Variants in NKAIN2 observed in about 807,000 individuals in gnomAD.
NKAIN2 encodes the protein sodium/potassium transporting ATPase interacting 2.
In NKAIN2, 14 loss-of-function variants were observed where a neutral mutation model predicts 32.6. That is an observed-to-expected ratio of 0.43 (90% CI 0.28 to 0.67). The LOEUF (loss-of-function observed/expected upper bound fraction) is 0.67. Among genes scored for constraint, NKAIN2 ranks in the 30% least tolerant of loss-of-function variants. NKAIN2 has a pLI of 0.17. For missense variants in NKAIN2, 198 were observed against 258.3 expected (o/e 0.77, Z 1.60); for synonymous variants, 80 against 87.2 (o/e 0.92, Z 0.46).
chr6:124,591,253 A>T (rs1047002945), intron 3 of NKAIN2, among the ~76,000 whole-genome samples: 4 of 152,160 alleles, frequency 2.6e-5, no homozygotes, highest in Non-Finnish European at 5.9e-5. Flanking sequence ...GCCACTCAAG[A>T]CTCTTCTGGC....
intron 2 of NKAIN2, among the ~76,000 whole-genome samples, chr6:124,301,727 G>T (rs377233037): frequency 6.6e-6 from 1 of 152,196 alleles, no homozygotes; most frequent in Non-Finnish European, 1.5e-5. Context: ...TTTCAGACTT[G>T]CATGGGGCCT....
rs367874874 is a variant in NKAIN2 at position 124,348,885 on chromosome 6, C to T, written c.193-6382C>T. On this transcript the variant is annotated intron_variant, in intron 2 of 6. Transcript: ENST00000368417. Reference sequence around the variant, plus strand: ...AGACAACACCTGGAAAATCGGGTCACTCCCACCCCAATACTGTGCTTTTCC... The same window carrying T: ...AGACAACACCTGGAAAATCGGGTCATTCCCACCCCAATACTGTGCTTTTCC... 2.8e-4 allele frequency among the ~76,000 whole-genome samples: 42 copies of T among 152,262 alleles called. 1 individual carries two copies. The highest frequency in any genetic ancestry group is 9.9e-4 in the African/African-American group (41 of 41,564).
intron 4 of NKAIN2, among the ~76,000 whole-genome samples, chr6:124,784,709 G>A (rs1260564149): frequency 6.6e-6 from 1 of 152,024 alleles, no homozygotes; most frequent in East Asian, 1.9e-4. Context: ...GTTTTTGTGG[G>A]AACATGTTTT....
In NKAIN2 at chr6:124,804,825, C is replaced by T. The variant is rs150339151; in HGVS notation, c.535+13426C>T. On this transcript the variant is annotated intron_variant, in intron 5 of 6. Transcript: ENST00000368417. ...CTTTTTTAACGGGCTTAAAAAATGGCGCACCAGGAGATTATATGCTGCACC... is the reference window on the plus strand; with the variant it reads ...CTTTTTTAACGGGCTTAAAAAATGGTGCACCAGGAGATTATATGCTGCACC... Among the ~76,000 whole-genome samples, 532 of 152,288 alleles carry T rather than the reference C, an allele frequency of 3.5e-3. 2 individuals carry two copies. The highest frequency in any genetic ancestry group is 0.018 in the East Asian group (91 of 5,168).
chr6:124,498,695 A>T (rs114619084), intron 3 of NKAIN2, among the ~76,000 whole-genome samples: 16 of 152,252 alleles, frequency 1.1e-4, no homozygotes, highest in Non-Finnish European at 1.6e-4. Context: ...AGATTTTTCT[A>T]TTATGTCTGA....
At chr6:124,211,786 A>G (rs1791189914) in intron 1 of NKAIN2, among the ~76,000 whole-genome samples, 2 of 152,066 alleles carry the variant, frequency 1.3e-5, no homozygotes, top group Non-Finnish European at 2.9e-5. Flanking sequence ...TTGTCTGTAC[A>G]GTGACAAACT....
intron 3 of NKAIN2, among the ~76,000 whole-genome samples, chr6:124,504,964 G>C (rs750136229): frequency 1.3e-5 from 2 of 152,112 alleles, no homozygotes; most frequent in Admixed American, 6.5e-5. Flanking sequence ...TGTATTCTTC[G>C]TGCAGACACA....
intron 3 of NKAIN2, among the ~76,000 whole-genome samples, chr6:124,455,902 C>T (rs1776302726): frequency 6.6e-6 from 1 of 151,890 alleles, no homozygotes; most frequent in Non-Finnish European, 1.5e-5. Flanking sequence ...CCTTAATTAT[C>T]TGCAAATAAA....
intron 4 of NKAIN2, among the ~76,000 whole-genome samples, chr6:124,755,835 C>A (rs551515832): frequency 6.6e-6 from 1 of 152,228 alleles, no homozygotes; most frequent in African/African-American, 2.4e-5. Flanking sequence ...ACCTATGTAA[C>A]AAACCTGCAT....
At chr6:124,308,738 A>C (rs2114994853) in intron 2 of NKAIN2, among the ~76,000 whole-genome samples, 1 of 152,184 alleles carries the variant, frequency 6.6e-6, no homozygotes, top group African/African-American at 2.4e-5. Context: ...TTCCCTTCTT[A>C]AGTATATTTA....
intron 4 of NKAIN2, among the ~76,000 whole-genome samples, chr6:124,741,306 G>GA: frequency 6.6e-6 from 1 of 151,692 alleles, no homozygotes; most frequent in East Asian, 2.0e-4. Context: ...TTAATATTTA[G>GA]ATATTACTAA....
chr6:124,372,135 G>T (rs1404581507), intron 3 of NKAIN2, among the ~76,000 whole-genome samples: 1 of 151,936 alleles, frequency 6.6e-6, no homozygotes, highest in Non-Finnish European at 1.5e-5. Flanking sequence ...ACTACAAAAA[G>T]CTCTCATGAC....
intron 3 of NKAIN2, among the ~76,000 whole-genome samples, chr6:124,447,331 T>C (rs1775935776): frequency 6.6e-6 from 1 of 152,100 alleles, no homozygotes; most frequent in African/African-American, 2.4e-5. Context: ...CTAAATAATA[T>C]TTGTTGAATG....
chr6:124,725,939 G>C (rs1423828951), intron 4 of NKAIN2, among the ~76,000 whole-genome samples: 1 of 152,226 alleles, frequency 6.6e-6, no homozygotes, highest in Admixed American at 6.5e-5. Context: ...TCAAAGAAAG[G>C]GGTGACGGAC....
At chr6:123,902,891 A>G (rs528196627) in intron 1 of NKAIN2, among the ~76,000 whole-genome samples, 17 of 152,350 alleles carry the variant, frequency 1.1e-4, no homozygotes, top group African/African-American at 4.1e-4. Context: ...GAATGCAATT[A>G]CTTAGCAATT....
chr6:123,924,445 ATCTT>A (rs965022711), intron 1 of NKAIN2, among the ~76,000 whole-genome samples: 11 of 152,350 alleles, frequency 7.2e-5, no homozygotes, highest in East Asian at 1.9e-4. Context: ...CAAAGAAAGA[ATCTT>A]TCTATTATCA....
intron 1 of NKAIN2, among the ~76,000 whole-genome samples, chr6:123,833,182 T>TA (rs1774458357): frequency 6.6e-6 from 1 of 152,228 alleles, no homozygotes; most frequent in Admixed American, 6.5e-5. Context: ...CCAGTTGTTC[T>TA]ACCATTTGTA....
intron 3 of NKAIN2, among the ~76,000 whole-genome samples, chr6:124,644,473 C>T (rs899600021): frequency 1.1e-4 from 17 of 150,258 alleles, no homozygotes; most frequent in Non-Finnish European, 1.6e-4. Flanking sequence ...GGCACGATTT[C>T]GGCTTACTGA....
intron 1 of NKAIN2, among the ~76,000 whole-genome samples, chr6:124,223,135 C>T (rs752062571): frequency 6.7e-6 from 1 of 148,272 alleles, no homozygotes; most frequent in Non-Finnish European, 1.5e-5. Flanking sequence ...ATCATTTCGA[C>T]CCGGGAGGTG....
Sources: allele counts gnomAD v4.1 joint callset (sites outside exome capture counted in the v4.1 genomes callset), GRCh38; gene constraint gnomAD v4.1.1; transcripts MANE v1.5; gene names NCBI Gene and HGNC (gene_info 2026-07-23, HGNC 2026-07-21).